Variants in ANO10 observed in about 807,000 individuals in gnomAD.
ANO10 encodes anoctamin 10.
A neutral mutation model predicts 74.7 loss-of-function variants in ANO10; 77 were observed. The observed-to-expected ratio is 1.03, with a 90% CI of 0.86 to 1.25. ANO10 has a LOEUF of 1.25. Among genes scored for constraint, ANO10 ranks in the 50% most tolerant of loss-of-function variants. The pLI is 0.00. For missense variants in ANO10, 721 were observed against 778.1 expected (o/e 0.93, Z 0.87); for synonymous variants, 279 against 284.9 (o/e 0.98, Z 0.21).
rs1168270369 is a variant in ANO10, at chr3:43,437,771, G to C, written c.1798-5044C>G. On this transcript the variant is annotated intron_variant, in intron 11 of 12. Coordinates refer to ENST00000292246, the MANE Select transcript of ANO10 (RefSeq NM_018075.5). ...TCTGATTCTCTAACTGGGCTGATTG[G>C]TGAAGGCCTTCCTTGTATAAAGCTA... Among the ~76,000 whole-genome samples the C allele has an allele frequency of 2.0e-5, 3 of 152,050 alleles. No homozygotes were observed. In the East Asian group the frequency reaches 5.8e-4, roughly 29 times the overall value.
chr3:43,585,811 T>G (rs552342185), intron 4 of ANO10, among the ~76,000 whole-genome samples: 1 of 152,338 alleles, frequency 6.6e-6, no homozygotes, highest in East Asian at 1.9e-4. Context: ...TCAAAAATTT[T>G]GGGACAGTAT....
intron 12 of ANO10, among the ~76,000 whole-genome samples, chr3:43,413,693 G>A (rs568525134): frequency 6.7e-6 from 1 of 149,078 alleles, no homozygotes; most frequent in Admixed American, 6.8e-5. Context: ...CATCTAGTAT[G>A]TCAACATTTA....
intron 1 of ANO10, among the ~76,000 whole-genome samples, chr3:43,610,059 T>C (rs1450583268): frequency 6.6e-6 from 1 of 152,146 alleles, no homozygotes; most frequent in Non-Finnish European, 1.5e-5. Context: ...AATAACACAG[T>C]AAGATACAAA....
chr3:43,532,111 G>A (rs545560953), intron 11 of ANO10, among the ~76,000 whole-genome samples: 1 of 152,256 alleles, frequency 6.6e-6, no homozygotes, highest in African/African-American at 2.4e-5. Context: ...AAGCAGCTAG[G>A]ATGAAAGTCT....
chr3:43,479,191 A>ATT (rs2076178749), intron 11 of ANO10, among the ~76,000 whole-genome samples: 1 of 152,212 alleles, frequency 6.6e-6, no homozygotes, highest in Admixed American at 6.5e-5. Flanking sequence ...TAACATGAAA[A>ATT]TATAAGAGCA....
chr3:43,400,420 T>G (rs901506900), intron 12 of ANO10, among the ~76,000 whole-genome samples: 2 of 152,100 alleles, frequency 1.3e-5, no homozygotes, highest in Admixed American at 1.3e-4. Flanking sequence ...GCTGGGAAGC[T>G]TGGGAAGGTC....
At chr3:43,617,459 GTTCT>G (rs1436261269) in intron 1 of ANO10, among the ~76,000 whole-genome samples, 2 of 152,054 alleles carry the variant, frequency 1.3e-5, no homozygotes, top group Admixed American at 1.3e-4. Flanking sequence ...CCCAAATTGT[GTTCT>G]TTATCATGTG....
At chr3:43,458,873 T>C (rs1016707609) in intron 11 of ANO10, among the ~76,000 whole-genome samples, 1 of 152,182 alleles carries the variant, frequency 6.6e-6, no homozygotes, top group Non-Finnish European at 1.5e-5. Context: ...GTGTTCTCAT[T>C]GTTCAGCTCC....
chr3:43,574,877 A>G lies in ANO10; in HGVS notation c.1163-13T>C, dbSNP rs776254020. 41 of 1,611,802 alleles carry G rather than the reference A, an allele frequency of 2.5e-5. No individual in the cohort carries two copies. The highest frequency in any genetic ancestry group is 3.3e-5 in the South Asian group (3 of 91,040). On this transcript the variant is annotated splice_polypyrimidine_tract_variant and intron_variant, in intron 6 of 12. Coordinates refer to ENST00000292246, the MANE Select transcript of ANO10 (RefSeq NM_018075.5). The stretch of plus-strand genomic sequence containing the variant: ...AATCTGTGATTCTCTAAAACATTAA[A>G]ACACACAGGTAACTTCTCAGTAAGA...
At position 43,555,471 on chromosome 3, in the gene ANO10, T is replaced by C. The variant is rs1475379793; in HGVS notation, c.1477-2A>G. 3 of 1,613,872 alleles carry C rather than the reference T, an allele frequency of 1.9e-6. No homozygotes were observed. Among genetic ancestry groups the C allele is most frequent in the Non-Finnish European group, 1.7e-6 (2 of 1,179,826 alleles). The stretch of plus-strand genomic sequence containing the variant: ...CTCCAAGTAATCATCAAAGGTGCCC[T>C]GAAAATATAAACAAGCATGCATTAT... On this transcript the variant is annotated splice_acceptor_variant, in intron 9 of 12. Transcript: ENST00000292246. LOFTEE classifies it high-confidence loss of function.
chr3:43,652,122 T>G (rs2083794390), intron 1 of ANO10, among the ~76,000 whole-genome samples: 1 of 151,994 alleles, frequency 6.6e-6, no homozygotes, highest in Non-Finnish European at 1.5e-5. Context: ...CCGCCTTTTT[T>G]TTTTTTCAGA....
Position 43,367,079 on chromosome 3 carries a change from G to C in ANO10, c.1915-105C>G, listed in dbSNP as rs1176690624. 5 of 1,089,634 alleles carry C rather than the reference G, an allele frequency of 4.6e-6. No homozygotes were observed. In the African/African-American group the frequency reaches 6.2e-5, roughly 14 times the overall value. The allele number at this position is 1,089,634 out of a possible 1,614,324, so 67.5% of individuals were successfully genotyped here. A position where few individuals can be genotyped will look rare whatever the true frequency, so the allele number is the denominator to read the frequency against. On this transcript the variant is annotated intron_variant, in intron 12 of 12. Coordinates refer to ENST00000292246, the MANE Select transcript of ANO10 (RefSeq NM_018075.5). ...GGCCAGCGGCTTTGACCCCAGGGAA[G>C]TGGTGACTCTGATGCTGCCTGCAGC...
chr3:43,373,557 A>C (rs1575592574), intron 12 of ANO10, among the ~76,000 whole-genome samples: 1 of 152,336 alleles, frequency 6.6e-6, no homozygotes, highest in East Asian at 1.9e-4. Flanking sequence ...CTTTCTCTGC[A>C]CATCTGGGTT....
chr3:43,654,300 T>A (rs1238342557), intron 1 of ANO10, among the ~76,000 whole-genome samples: 1 of 152,190 alleles, frequency 6.6e-6, no homozygotes, highest in Non-Finnish European at 1.5e-5. Context: ...TCTTCCTATG[T>A]CTTTGAAATA....
intron 4 of ANO10, among the ~76,000 whole-genome samples, chr3:43,595,918 A>C (rs2082060551): frequency 6.6e-6 from 1 of 152,236 alleles, no homozygotes; most frequent in South Asian, 2.1e-4. Flanking sequence ...GCAAAGTCTC[A>C]GGATACAATA....
chr3:43,561,630 A>G (rs979605441), intron 8 of ANO10, among the ~76,000 whole-genome samples: 1 of 152,186 alleles, frequency 6.6e-6, no homozygotes, highest in Non-Finnish European at 1.5e-5. Flanking sequence ...CACATGAAAG[A>G]CCAAGATTAA....
At chr3:43,593,367 G>C (rs1268260951) in intron 4 of ANO10, among the ~76,000 whole-genome samples, 1 of 152,310 alleles carries the variant, frequency 6.6e-6, no homozygotes, top group African/African-American at 2.4e-5. Flanking sequence ...GAGAAAGGTC[G>C]GGTTACCCAC....
intron 12 of ANO10, among the ~76,000 whole-genome samples, chr3:43,386,648 C>CGCGT (rs1553643242): frequency 7.1e-6 from 1 of 139,892 alleles, no homozygotes; most frequent in African/African-American, 2.7e-5. Flanking sequence ...TAGGTGTGTA[C>CGCGT]GTGTGTGTGT....
chr3:43,658,154 T>C (rs1014214546), intron 1 of ANO10, among the ~76,000 whole-genome samples: 2 of 152,172 alleles, frequency 1.3e-5, no homozygotes, highest in Non-Finnish European at 2.9e-5. Flanking sequence ...TTATTGGAAA[T>C]ATCAGCTTAA....
Sources: allele counts gnomAD v4.1 joint callset (sites outside exome capture counted in the v4.1 genomes callset), GRCh38; gene constraint gnomAD v4.1.1; transcripts MANE v1.5; gene names NCBI Gene and HGNC (gene_info 2026-07-23, HGNC 2026-07-21).